Variants in NALF1 observed in about 807,000 individuals in gnomAD.
NALF1 encodes the protein family with sequence similarity 155 member A.
NALF1 carries 3 observed loss-of-function variants against 48.4 expected under a neutral mutation model. The observed-to-expected ratio is 0.06, with a 90% CI of 0.03 to 0.16. The LOEUF is 0.16. Among genes scored for constraint, NALF1 ranks in the 10% least tolerant of loss-of-function variants. The probability of loss-of-function intolerance (pLI) is 1.00; values close to 1 mark genes in which losing one functional copy is unlikely to be tolerated. For missense variants in NALF1, 526 were observed against 571.5 expected, an observed-to-expected ratio of 0.92 and a Z score of 0.81; for synonymous variants, 262 against 245.7, an observed-to-expected ratio of 1.07 and a Z score of -0.62.
intron 1 of NALF1, among the ~76,000 whole-genome samples, chr13:107,532,412 T>C (rs1876669813): frequency 6.6e-6 from 1 of 152,096 alleles, no homozygotes; most frequent in Non-Finnish European, 1.5e-5. Context: ...AAATCATTCA[T>C]TGCTAGTGTT....
chr13:107,558,101 A>AT (rs5806667), intron 1 of NALF1, among the ~76,000 whole-genome samples: 29,807 of 150,952 alleles, frequency 0.2, 3,107 homozygotes, highest in South Asian at 0.26. Context: ...TGATTCTGAG[A>AT]TTTTTCCCTG....
At chr13:107,264,413 T>TTCATAGC (rs1329839791) in intron 1 of NALF1, among the ~76,000 whole-genome samples, 2 of 152,216 alleles carry the variant, frequency 1.3e-5, no homozygotes, top group Non-Finnish European at 2.9e-5. Flanking sequence ...TGTTTTGCTC[T>TTCATAGC]CCTTCATAGC....
At chr13:107,563,960 A>G (rs1193566792) in intron 1 of NALF1, among the ~76,000 whole-genome samples, 6 of 152,358 alleles carry the variant, frequency 3.9e-5, no homozygotes, top group African/African-American at 9.6e-5. Context: ...ATAGCCTTAT[A>G]AAAGTACCTT....
At chr13:107,610,993 G>A (rs1269810486) in intron 1 of NALF1, among the ~76,000 whole-genome samples, 1 of 152,028 alleles carries the variant, frequency 6.6e-6, no homozygotes, top group East Asian at 1.9e-4. Context: ...TGAGTAGGAA[G>A]GTGGAAGGAG....
At chr13:107,583,752 A>G (rs1286866147) in intron 1 of NALF1, among the ~76,000 whole-genome samples, 3 of 152,148 alleles carry the variant, frequency 2.0e-5, no homozygotes, top group African/African-American at 7.2e-5. Flanking sequence ...GAGTGTGTTT[A>G]TAAGTTTGAA....
At chr13:107,406,476 T>C (rs1594045447) in intron 1 of NALF1, among the ~76,000 whole-genome samples, 1 of 151,908 alleles carries the variant, frequency 6.6e-6, no homozygotes. Context: ...AACCCTACAA[T>C]GAAAACTATA....
At chr13:107,570,739 A>C (rs1877964005) in intron 1 of NALF1, among the ~76,000 whole-genome samples, 1 of 151,956 alleles carries the variant, frequency 6.6e-6, no homozygotes, top group South Asian at 2.1e-4. Flanking sequence ...ATTACCTGAT[A>C]TATTTCACAG....
At chr13:107,348,143 T>C (rs947761880) in intron 1 of NALF1, among the ~76,000 whole-genome samples, 5 of 152,228 alleles carry the variant, frequency 3.3e-5, no homozygotes, top group Non-Finnish European at 7.3e-5. Context: ...GTTTTAAATG[T>C]TATTTTATTT....
intron 1 of NALF1, among the ~76,000 whole-genome samples, chr13:107,315,759 A>T (rs929519929): frequency 1.3e-5 from 2 of 151,808 alleles, no homozygotes; most frequent in Admixed American, 1.3e-4. Context: ...TTAAGTGTTT[A>T]GCATCTCTCT....
chr13:107,415,299 T>C (rs888844409), intron 1 of NALF1, among the ~76,000 whole-genome samples: 1 of 152,144 alleles, frequency 6.6e-6, no homozygotes, highest in African/African-American at 2.4e-5. Flanking sequence ...CACTTTCAGT[T>C]TGTGAAAGAT....
intron 1 of NALF1, among the ~76,000 whole-genome samples, chr13:107,488,554 C>A (rs1177306264): frequency 3.3e-5 from 5 of 152,122 alleles, no homozygotes; most frequent in Non-Finnish European, 7.4e-5. Flanking sequence ...GCAGAAAAGT[C>A]TTTCAATAAT....
chr13:107,286,860 A>C (rs1183879223), intron 1 of NALF1, among the ~76,000 whole-genome samples: 1 of 152,202 alleles, frequency 6.6e-6, no homozygotes, highest in Non-Finnish European at 1.5e-5. Context: ...ATCCATAGGG[A>C]TAGAGAATGC....
At chr13:107,456,890 C>T (rs1457497185) in intron 1 of NALF1, among the ~76,000 whole-genome samples, 2 of 152,098 alleles carry the variant, frequency 1.3e-5, no homozygotes, top group African/African-American at 4.8e-5. Flanking sequence ...AGGGATTAGA[C>T]AAGTTATCTA....
intron 1 of NALF1, among the ~76,000 whole-genome samples, chr13:107,771,369 C>T (rs765174713): frequency 1.6e-4 from 24 of 151,726 alleles, no homozygotes; most frequent in Non-Finnish European, 3.4e-4. Flanking sequence ...ACATAACATA[C>T]TTAATGGCTA....
chr13:107,250,163 T>C (rs571977514), intron 1 of NALF1, among the ~76,000 whole-genome samples: 55 of 151,714 alleles, frequency 3.6e-4, no homozygotes, highest in Non-Finnish European at 6.6e-4. Context: ...ACGACATAAA[T>C]TCTTCACCAC....
intron 1 of NALF1, among the ~76,000 whole-genome samples, chr13:107,488,692 C>G (rs377334309): frequency 6.6e-6 from 1 of 152,080 alleles, no homozygotes; most frequent in Non-Finnish European, 1.5e-5. Flanking sequence ...AAACTGCAAG[C>G]ATTCCCCTTG....
chr13:107,563,059 TG>T (rs937666875), intron 1 of NALF1, among the ~76,000 whole-genome samples: 2 of 152,240 alleles, frequency 1.3e-5, no homozygotes, highest in African/African-American at 4.8e-5. Context: ...TTTTTACAAT[TG>T]TTTATTCACG....
At chr13:107,703,773 C>A (rs924024482) in intron 1 of NALF1, among the ~76,000 whole-genome samples, 5 of 152,070 alleles carry the variant, frequency 3.3e-5, no homozygotes, top group Admixed American at 2.6e-4. Flanking sequence ...AGTAAACCTG[C>A]AGCATAGGGA....
At chr13:107,172,950 A>C (rs1244463841) in intron 2 of NALF1, among the ~76,000 whole-genome samples, 1 of 152,170 alleles carries the variant, frequency 6.6e-6, no homozygotes, top group Non-Finnish European at 1.5e-5. Context: ...TGTCTGGCAC[A>C]ATTAATATTC....
Sources: allele counts gnomAD v4.1 joint callset (sites outside exome capture counted in the v4.1 genomes callset), GRCh38; gene constraint gnomAD v4.1.1; transcripts MANE v1.5; gene names NCBI Gene and HGNC (gene_info 2026-07-23, HGNC 2026-07-21).